Variants in CCDC192 observed in about 807,000 individuals in gnomAD.
The protein encoded by CCDC192 is coiled-coil domain containing 192.
At chr5:127,752,934 C>G (rs112043401) in intron 2 of CCDC192, among the ~76,000 whole-genome samples, 1,532 of 152,302 alleles carry the variant, frequency 0.01, 29 homozygotes, top group African/African-American at 0.035. Flanking sequence ...TGACCCCTTG[C>G]GCTTCCCAAG....
intron 3 of CCDC192, among the ~76,000 whole-genome samples, chr5:127,780,358 A>G (rs1270332553): frequency 1.3e-5 from 2 of 152,136 alleles, no homozygotes; most frequent in South Asian, 2.1e-4. Flanking sequence ...AAATGGTAGA[A>G]CTAAAAAGTT....
intron 3 of CCDC192, among the ~76,000 whole-genome samples, chr5:127,758,361 T>C (rs1049127610): frequency 3.9e-5 from 6 of 152,216 alleles, no homozygotes; most frequent in African/African-American, 1.4e-4. Context: ...GTCAACAGAA[T>C]TCTTTGTTGG....
Position 127,920,361 on chromosome 5 carries a change from T to A in CCDC192, c.536-20821T>A, listed in dbSNP as rs913673401. Among the ~76,000 whole-genome samples the A allele has an allele frequency of 2.0e-5, 3 of 150,728 alleles. No individual in the cohort carries two copies. The East Asian group carries it at 5.9e-4, about 30-fold the overall frequency. ...TCAATGATGATGATCATCATTATGA[T>A]CATCAATCATCATAATTTCTAGGAA... is the stretch of plus-strand genomic sequence containing the variant. On this transcript the variant is annotated intron_variant, in intron 6 of 6. Coordinates refer to ENST00000514853, the MANE Select transcript of CCDC192 (RefSeq NM_001317938.2).
chr5:127,813,198 G>A (rs1758178534), intron 5 of CCDC192, among the ~76,000 whole-genome samples: 1 of 152,136 alleles, frequency 6.6e-6, no homozygotes. Flanking sequence ...GGGGGCCCAG[G>A]ATGGGACTTA....
At chr5:127,935,013 G>A (rs927087543) in intron 6 of CCDC192, among the ~76,000 whole-genome samples, 4 of 152,162 alleles carry the variant, frequency 2.6e-5, no homozygotes, top group South Asian at 2.1e-4. Context: ...TCACCTCACC[G>A]GTGATCCTTG....
chr5:127,744,450 T>A (rs997426272), intron 2 of CCDC192, among the ~76,000 whole-genome samples: 1 of 152,190 alleles, frequency 6.6e-6, no homozygotes, highest in Non-Finnish European at 1.5e-5. Flanking sequence ...AGGAAGTTAC[T>A]GTACCACTGA....
chr5:127,817,291 A>T (rs1201785027), intron 5 of CCDC192, among the ~76,000 whole-genome samples: 1 of 152,190 alleles, frequency 6.6e-6, no homozygotes, highest in Non-Finnish European at 1.5e-5. Flanking sequence ...TTCTGTTCCT[A>T]GGTATATACT....
At position 127,794,193 on chromosome 5, in the gene CCDC192, T is replaced by C. The variant is rs940181267; in HGVS notation, c.223-2910T>C. Among the ~76,000 whole-genome samples, 4 of 152,344 alleles carry C rather than the reference T, an allele frequency of 2.6e-5. No homozygotes were observed. In the South Asian group the frequency reaches 8.3e-4, roughly 32 times the overall value. On this transcript the variant is annotated intron_variant, in intron 3 of 6. Coordinates refer to ENST00000514853, the MANE Select transcript of CCDC192 (RefSeq NM_001317938.2). ...CAGGAAAGCCAGGCTCTGATTAGTT[T>C]ATGCTTTGATTCCTGAACCAATCAA...
intron 2 of CCDC192, among the ~76,000 whole-genome samples, chr5:127,719,558 TACACACATAC>T (rs1271487001): frequency 0.11 from 2,372 of 20,672 alleles, 179 homozygotes; most frequent in Admixed American, 0.28. Flanking sequence ...TATATATATA[TACACACATAC>T]ATATATATAT....
intron 6 of CCDC192, among the ~76,000 whole-genome samples, chr5:127,899,025 A>G (rs1752970064): frequency 6.6e-6 from 1 of 152,190 alleles, no homozygotes; most frequent in Non-Finnish European, 1.5e-5. Context: ...CTAGCTGTTT[A>G]GGAAGAAAAT....
intron 2 of CCDC192, among the ~76,000 whole-genome samples, chr5:127,743,945 T>A (rs965911243): frequency 2.6e-5 from 4 of 151,544 alleles, no homozygotes; most frequent in South Asian, 2.1e-4. Context: ...TACAAAAAAA[T>A]TAGCCAGGCA....
chr5:127,711,762 A>G (rs140422418), intron 2 of CCDC192, among the ~76,000 whole-genome samples: 1 of 152,192 alleles, frequency 6.6e-6, no homozygotes, highest in Non-Finnish European at 1.5e-5. Context: ...AAAATTGTAT[A>G]TGTATCTATA....
Position 127,733,945 on chromosome 5 carries a change from C to CT in CCDC192, c.115-20320dup, listed in dbSNP as rs1357456178. Among the ~76,000 whole-genome samples, 4 of 145,242 alleles carry CT rather than the reference C, an allele frequency of 2.8e-5. No homozygotes were observed. The East Asian group carries it at 8.1e-4, about 29-fold the overall frequency. Reference sequence around the variant, plus strand: ...TATATATATATATTTTTTTATTATACTTTAAGTTTTAGGGTACATGTGCAC... The same window carrying CT: ...TATATATATATATTTTTTTATTATACTTTTAAGTTTTAGGGTACATGTGCAC... On this transcript the variant is annotated intron_variant, in intron 2 of 6. Transcript: ENST00000514853.
intron 6 of CCDC192, among the ~76,000 whole-genome samples, chr5:127,938,005 C>A (rs1007180044): frequency 1.3e-5 from 2 of 151,946 alleles, no homozygotes; most frequent in African/African-American, 4.8e-5. Flanking sequence ...CCCCCCTCCA[C>A]CCCTGCCCCC....
At chr5:127,926,659 T>C (rs764183957) in intron 6 of CCDC192, among the ~76,000 whole-genome samples, 1 of 152,086 alleles carries the variant, frequency 6.6e-6, no homozygotes, top group Admixed American at 6.5e-5. Context: ...GGTTAGATAA[T>C]GAGTTGAGTT....
At chr5:127,714,327 T>C (rs773111022) in intron 2 of CCDC192, among the ~76,000 whole-genome samples, 3 of 152,218 alleles carry the variant, frequency 2.0e-5, no homozygotes, top group Non-Finnish European at 2.9e-5. Flanking sequence ...CTCTTTGACA[T>C]ACTAATTTCA....
intron 5 of CCDC192, among the ~76,000 whole-genome samples, chr5:127,852,759 C>G (rs1007098779): frequency 6.6e-6 from 1 of 152,182 alleles, no homozygotes; most frequent in Non-Finnish European, 1.5e-5. Context: ...CCATTATTCT[C>G]TTTAGGCTTC....
chr5:127,718,278 G>A (rs1331439336), intron 2 of CCDC192, among the ~76,000 whole-genome samples: 4 of 152,180 alleles, frequency 2.6e-5, no homozygotes, highest in Non-Finnish European at 4.4e-5. Flanking sequence ...TAGAAAACAC[G>A]TGGCACTGAA....
chr5:127,824,119 A>AG (rs1749418023), intron 5 of CCDC192, among the ~76,000 whole-genome samples: 2 of 152,214 alleles, frequency 1.3e-5, no homozygotes, highest in Admixed American at 6.5e-5. Context: ...TTAGGCCTAA[A>AG]GGAGCCTATC....
Sources: allele counts gnomAD v4.1 joint callset (sites outside exome capture counted in the v4.1 genomes callset), GRCh38; gene constraint gnomAD v4.1.1; transcripts MANE v1.5; gene names NCBI Gene and HGNC (gene_info 2026-07-23, HGNC 2026-07-21).